GREB1: variants seen among roughly 807,000 people sequenced by gnomAD.
The protein encoded by GREB1 is protein GREB1.
A neutral mutation model predicts 200.7 loss-of-function variants in GREB1; 106 were observed. The observed-to-expected ratio is 0.53, with a 90% CI of 0.45 to 0.62. GREB1 has a LOEUF of 0.62. Among genes scored for constraint, GREB1 ranks in the 20% least tolerant of loss-of-function variants. The pLI is 0.00. For synonymous variants in GREB1, 1,132 were observed against 1,092.4 expected (o/e 1.04, Z -0.72); for missense variants, 2,243 against 2,556.8 (o/e 0.88, Z 2.65).
chr2:11,547,168 C>A (rs932773273), intron 1 of GREB1, among the ~76,000 whole-genome samples: 1 of 152,180 alleles, frequency 6.6e-6, no homozygotes, highest in Non-Finnish European at 1.5e-5. Context: ...ATGTCGAACT[C>A]CTGACCTCAA....
rs529229915 is a variant in GREB1 at position 11,629,245 on chromosome 2, C to T, written c.4450-703C>T. Among the ~76,000 whole-genome samples, 258 of 152,116 alleles carry T rather than the reference C, an allele frequency of 1.7e-3. No individual in the cohort carries two copies. The highest frequency in any genetic ancestry group is 4.6e-3 in the Admixed American group (70 of 15,278). ...AGGAAGGGCCGTGGGTCGGTGGGGT[C>T]GTAAGAGGACGTTCAAGCTGAGGGC... On this transcript the variant is annotated intron_variant, in intron 25 of 32. Transcript: ENST00000381486. This position sits in a 1 kb window ranked among gnomAD's most constrained non-coding sequence, Gnocchi z 5.2.
chr2:11,576,423 A>G lies in GREB1; in HGVS notation c.525A>G (p.Ile175Met). The G allele has an allele frequency of 1.2e-6, 2 of 1,614,042 alleles. No individual in the cohort carries two copies. Among genetic ancestry groups the G allele is most frequent in the Non-Finnish European group, 1.7e-6 (2 of 1,179,836 alleles). The part of the protein sequence containing the change: ...FCYFTEFSNH[I>M]NLKLTTQPKK... ...ACTTCACGGAATTCTCCAATCATAT[A>G]AATCTGAAACTGACCACTCAACCCA... Residue 175 changes from isoleucine (I) to methionine (M), a missense_variant, in exon 5 of 33, where the codon ATA (isoleucine) becomes ATG (methionine). Physicochemically the swap from Ile to Met is conservative, Grantham distance 10. Coordinates refer to ENST00000381486, the MANE Select transcript of GREB1 (RefSeq NM_014668.4).
chr2:11,575,307 A>G (rs1678734813), intron 4 of GREB1, among the ~76,000 whole-genome samples: 1 of 152,258 alleles, frequency 6.6e-6, no homozygotes, highest in Admixed American at 6.5e-5. Flanking sequence ...GATCGTTTAA[A>G]TAAGAGCAGT....
intron 1 of GREB1, among the ~76,000 whole-genome samples, chr2:11,553,369 T>C (rs1676119308): frequency 6.6e-6 from 1 of 151,964 alleles, no homozygotes; most frequent in African/African-American, 2.4e-5. Context: ...CATGGTGGTA[T>C]GTTCCTGTAG....
intron 1 of GREB1, among the ~76,000 whole-genome samples, chr2:11,516,046 A>G (rs1673486758): frequency 6.6e-6 from 1 of 152,288 alleles, no homozygotes. Flanking sequence ...TGAAAGTGAA[A>G]ATGTGTAGAT....
At chr2:11,489,320 G>A (rs772379033) in intron 1 of GREB1, among the ~76,000 whole-genome samples, 13 of 152,148 alleles carry the variant, frequency 8.5e-5, no homozygotes, top group Admixed American at 3.9e-4. Context: ...TTAGCCGGGC[G>A]TGGTGGCGCG....
intron 17 of GREB1, 59 bp downstream of exon 17, chr2:11,602,601 G>T: frequency 6.7e-7 from 1 of 1,499,972 alleles, no homozygotes; most frequent in Admixed American, 1.7e-5. Flanking sequence ...GCAAGTTGAG[G>T]TGCGTTTAGC....
At chr2:11,531,215 T>C (rs1424703894), upstream of GREB1, among the ~76,000 whole-genome samples, 1 of 152,164 alleles carries the variant, frequency 6.6e-6, no homozygotes, top group Non-Finnish European at 1.5e-5. Flanking sequence ...GGGAGTGTAG[T>C]TGCTTGACGC....
intron 1 of GREB1, among the ~76,000 whole-genome samples, chr2:11,520,084 G>A (rs1673652288): frequency 6.6e-6 from 1 of 152,150 alleles, no homozygotes; most frequent in African/African-American, 2.4e-5. Context: ...GCTGCAGTGA[G>A]CCGTGATTGT....
At chr2:11,531,727 T>C (rs180911348), upstream of GREB1, among the ~76,000 whole-genome samples, 1 of 152,284 alleles carries the variant, frequency 6.6e-6, no homozygotes, top group African/African-American at 2.4e-5. Flanking sequence ...CCTGCCACCA[T>C]GACCAGCTAA....
chr2:11,506,639 TCTTCC>T (rs947324279), intron 1 of GREB1, among the ~76,000 whole-genome samples: 21 of 152,210 alleles, frequency 1.4e-4, no homozygotes, highest in African/African-American at 5.1e-4. Context: ...TACAGTCCCG[TCTTCC>T]CTTCCTTCAT....
At position 11,566,493 on chromosome 2, in the gene GREB1, C is replaced by G. The variant is rs778748402; in HGVS notation, c.291C>G (p.Ala97=). The part of the protein sequence containing the change: ...GCCTTDGFCQ[A]GKDLRLVSIS... ...CACCCCTCCTAGGGTTTTGCCAGGC[C>G]GGGAAGGACCTGCGCCTTGTCTCCA... The change falls in exon 4 of 33, where the codon GCC becomes GCG. Residue 97 remains alanine (A), a synonymous_variant. Transcript: ENST00000381486. 3 of 1,609,040 alleles carry G rather than the reference C, an allele frequency of 1.9e-6. No individual in the cohort carries two copies. The highest frequency in any genetic ancestry group is 2.5e-6 in the Non-Finnish European group (3 of 1,177,286).
chr2:11,514,429 C>T (rs1169656799), intron 1 of GREB1, among the ~76,000 whole-genome samples: 2 of 152,218 alleles, frequency 1.3e-5, no homozygotes, highest in Non-Finnish European at 2.9e-5. Flanking sequence ...ACCCCTTTGC[C>T]AACATCCACT....
intron 1 of GREB1, among the ~76,000 whole-genome samples, chr2:11,484,585 T>TTA (rs1558476841): frequency 2.6e-4 from 2 of 7,790 alleles, no homozygotes; most frequent in Non-Finnish European, 4.3e-4. Flanking sequence ...TCTCATCTCT[T>TTA]AAAAAACAAA....
At chr2:11,509,117 C>T (rs1219280018) in intron 1 of GREB1, among the ~76,000 whole-genome samples, 1 of 15,066 alleles carries the variant, frequency 6.6e-5, no homozygotes. Context: ...CCTCGTGATC[C>T]ACCTGCCTTG....
At position 11,600,511 on chromosome 2, in the gene GREB1, A is replaced by G. The variant is rs569988941; in HGVS notation, c.2334-289A>G. Among the ~76,000 whole-genome samples, 296 of 152,350 alleles carry G rather than the reference A, an allele frequency of 1.9e-3. 3 individuals are homozygous for G. The South Asian group carries it at 0.029, about 15-fold the overall frequency. On this transcript the variant is annotated intron_variant, in intron 15 of 32. Coordinates refer to ENST00000381486, the MANE Select transcript of GREB1 (RefSeq NM_014668.4). ...TGATTCATGGAACATCCCCAGGGTC[A>G]TATCACTGTCCGATTGGGATAGAAG...
chr2:11,638,221 GTC>G (rs1685538344), intron 31 of GREB1, among the ~76,000 whole-genome samples: 1 of 152,116 alleles, frequency 6.6e-6, no homozygotes, highest in Non-Finnish European at 1.5e-5. Context: ...GCTCACTGCA[GTC>G]TCTGCCTCCT....
intron 1 of GREB1, among the ~76,000 whole-genome samples, chr2:11,504,567 A>G (rs139262297): frequency 6.6e-6 from 1 of 152,194 alleles, no homozygotes; most frequent in African/African-American, 2.4e-5. Context: ...GAAACCACGA[A>G]TCTACTTTCT....
chr2:11,526,759 T>C (rs1330985154), intron 1 of GREB1, among the ~76,000 whole-genome samples: 2 of 152,094 alleles, frequency 1.3e-5, no homozygotes, highest in African/African-American at 2.4e-5. Context: ...AGTTTCCCCA[T>C]GTTGGCCAGG....
Sources: gnomAD v4.1 joint callset for allele counts (sites outside exome capture counted in the v4.1 genomes callset) on GRCh38, gnomAD v4.1.1 for gene constraint, Gnocchi (gnomAD v3.1) non-coding constraint, MANE v1.5 for transcripts, NCBI Gene and HGNC (gene_info 2026-07-23, HGNC 2026-07-21) for gene names.